Variants in SEM1 observed in about 807,000 individuals in gnomAD.
The protein encoded by SEM1 is SEM1 26S proteasome subunit, also known as 26S proteasome complex subunit SEM1.
A neutral mutation model predicts 12.7 loss-of-function variants in SEM1; 3 were observed. The observed-to-expected ratio is 0.24, with a 90% confidence interval of 0.11 to 0.61. The LOEUF is 0.61. Ranked by LOEUF, SEM1 falls within the 20% of genes least tolerant of loss-of-function variation. The probability of loss-of-function intolerance (pLI) is 0.88; values close to 1 mark genes in which losing one functional copy is unlikely to be tolerated. For synonymous variants in SEM1, 30 were observed against 27.8 expected (o/e 1.08, Z -0.25); for missense variants, 59 against 81.3 (o/e 0.73, Z 1.06).
chr7:96,658,568 A>G (rs567650672), intron 2 of SEM1, among the ~76,000 whole-genome samples: 4 of 152,354 alleles, frequency 2.6e-5, no homozygotes, highest in Admixed American at 6.5e-5. Context: ...GGAGCCATGC[A>G]ATTCCTAGGA....
At chr7:96,499,313 G>C (rs988189426), upstream of SEM1, among the ~76,000 whole-genome samples, 5 of 152,134 alleles carry the variant, frequency 3.3e-5, no homozygotes, top group Non-Finnish European at 7.4e-5. Flanking sequence ...AAGTCCACTT[G>C]AGTGACCATT....
At position 96,571,157 on chromosome 7, in the gene SEM1, C is replaced by T. The variant is rs1357113150; in HGVS notation, c.171-64459G>A. Among the ~76,000 whole-genome samples, 3 of 152,014 alleles carry T rather than the reference C, an allele frequency of 2.0e-5. No individual in the cohort carries two copies. The East Asian group carries it at 5.8e-4, about 29-fold the overall frequency. On this transcript the variant is annotated intron_variant and NMD_transcript_variant, in intron 2 of 3. Transcript: ENST00000466986. ...AATTTTCTCCCATTCTGTAGGCTGC[C>T]TTTTCACTATGATGATAGTTTCTTC...
At chr7:96,554,557 T>C (rs955632381) in intron 2 of SEM1, among the ~76,000 whole-genome samples, 6 of 149,366 alleles carry the variant, frequency 4.0e-5, no homozygotes, top group Non-Finnish European at 8.9e-5. Context: ...CACTTGATCA[T>C]GGTGGATAAG....
chr7:96,615,239 A>ATTTTTTTTTTTTTTTTTTTTT lies in SEM1; in HGVS notation c.170+79558_170+79559insAAAAAAAAAAAAAAAAAAAAA, dbSNP rs1421596853. On this transcript the variant is annotated intron_variant and NMD_transcript_variant, in intron 2 of 3. Transcript: ENST00000466986. ...GGACTGTTGGGTTATTTTTTGAGTCATCTTTTTTTTTTTTTTTTTTTTTTT... is the reference window on the plus strand; with the variant it reads ...GGACTGTTGGGTTATTTTTTGAGTCATTTTTTTTTTTTTTTTTTTTTTCTTTTTTTTTTTTTTTTTTTTTTT... Among the ~76,000 whole-genome samples, 11 of 98,138 alleles carry ATTTTTTTTTTTTTTTTTTTTT rather than the reference A, an allele frequency of 1.1e-4. 4 individuals are homozygous for ATTTTTTTTTTTTTTTTTTTTT. The highest frequency in any genetic ancestry group is 1.3e-4 in the Non-Finnish European group (7 of 51,924). The allele number at this position is 98,138 out of a possible 152,430, so 64.4% of individuals were successfully genotyped here.
exon 3 of SEM1, chr7:96,622,636 A>T: frequency 1.3e-6 from 1 of 764,812 alleles, no homozygotes; most frequent in Non-Finnish European, 2.4e-6. Flanking sequence ...AGTTCACTGT[A>T]TCCAGCCCTG....
At chr7:96,668,424 A>T (rs924489351) in intron 2 of SEM1, among the ~76,000 whole-genome samples, 1 of 152,238 alleles carries the variant, frequency 6.6e-6, no homozygotes, top group Non-Finnish European at 1.5e-5. Context: ...TATAAAATAA[A>T]TAAAAATTAT....
chr7:96,486,484 C>T, intron 1 of SEM1: 1 of 1,246,156 alleles, frequency 8.0e-7, no homozygotes, highest in Non-Finnish European at 1.1e-6. Flanking sequence ...AGGCGGGCAC[C>T]TGTTCCACCT....
chr7:96,601,357 T>C (rs543253848), intron 2 of SEM1, among the ~76,000 whole-genome samples: 1 of 152,122 alleles, frequency 6.6e-6, no homozygotes, highest in Admixed American at 6.5e-5. Flanking sequence ...ATTGGGGTAA[T>C]AGGGGTTTAG....
chr7:96,491,527 A>C (rs117312896), intron 1 of SEM1, among the ~76,000 whole-genome samples: 318 of 152,314 alleles, frequency 2.1e-3, no homozygotes, highest in Non-Finnish European at 3.3e-3. Flanking sequence ...TTAAGATAAA[A>C]ACCAAACACA....
intron 2 of SEM1, among the ~76,000 whole-genome samples, chr7:96,597,285 G>T (rs1807030155): frequency 1.3e-5 from 2 of 152,096 alleles, no homozygotes; most frequent in Non-Finnish European, 2.9e-5. Flanking sequence ...TAAAACAAAG[G>T]TCCCTGGCAT....
At position 96,688,949 on chromosome 7, in the gene SEM1, T is replaced by C. The variant is rs765334665; in HGVS notation, c.188A>G (p.His63Arg). The C allele has an allele frequency of 2.5e-6, 4 of 1,594,744 alleles. No homozygotes were observed. The highest frequency in any genetic ancestry group is 1.7e-5 in the Admixed American group (1 of 59,690). Residue 63 changes from histidine to arginine, a missense_variant, in exon 3 of 3, where the codon CAT (histidine) becomes CGT (arginine). Coordinates refer to ENST00000248566, the MANE Select transcript of SEM1 (RefSeq NM_006304.2). ...SNQLRAELEK[H>R]GYKMETS ...CTATGAAGTCTCCATCTTATAACCATGTTTCTCTAGTTCAGCTCTAAGATA... is the reference window on the plus strand; with the variant it reads ...CTATGAAGTCTCCATCTTATAACCACGTTTCTCTAGTTCAGCTCTAAGATA...
intron 2 of SEM1, among the ~76,000 whole-genome samples, chr7:96,679,631 T>C (rs2272224): frequency 0.4 from 60,095 of 151,930 alleles, 14,344 homozygotes; most frequent in African/African-American, 0.69. Context: ...ATTAGTGATC[T>C]GATTGACCTC....
downstream of SEM1, among the ~76,000 whole-genome samples, chr7:96,620,322 C>T (rs1211513572): frequency 1.3e-5 from 2 of 152,092 alleles, no homozygotes; most frequent in African/African-American, 2.4e-5. Context: ...AGGGGGTGCA[C>T]GGGAGTACCC....
upstream of SEM1, among the ~76,000 whole-genome samples, chr7:96,500,698 T>C (rs1291847595): frequency 6.6e-6 from 1 of 152,186 alleles, no homozygotes; most frequent in Non-Finnish European, 1.5e-5. Flanking sequence ...TGCTTCCTTA[T>C]ACTGCTTTAG....
intron 2 of SEM1, among the ~76,000 whole-genome samples, chr7:96,692,767 A>G (rs540731878): frequency 9.2e-5 from 14 of 152,234 alleles, no homozygotes; most frequent in East Asian, 3.9e-4. Context: ...ATTATTGTTC[A>G]ATAGCTATCA....
chr7:96,588,650 T>C (rs924815856), intron 2 of SEM1, among the ~76,000 whole-genome samples: 2 of 151,446 alleles, frequency 1.3e-5, no homozygotes, highest in Non-Finnish European at 2.9e-5. Context: ...AGGCCAGATG[T>C]GGTAGCTCAG....
exon 4 of SEM1, chr7:96,482,097 T>A (rs1802564695): frequency 6.6e-6 from 1 of 152,218 alleles, no homozygotes; most frequent in Non-Finnish European, 1.5e-5. Flanking sequence ...AACCCAGCAC[T>A]ATTTTTCTCT....
chr7:96,667,231 G>A (rs749899226), intron 2 of SEM1, among the ~76,000 whole-genome samples: 32 of 152,130 alleles, frequency 2.1e-4, no homozygotes, highest in Non-Finnish European at 4.0e-4. Context: ...TCACTATTGT[G>A]GTTCTAAACT....
chr7:96,613,541 G>GATAAATA (rs1807608953), intron 2 of SEM1, among the ~76,000 whole-genome samples: 1 of 151,888 alleles, frequency 6.6e-6, no homozygotes, highest in Non-Finnish European at 1.5e-5. Context: ...ATTTCTTTGT[G>GATAAATA]GTAATACTAT....
Sources: allele counts gnomAD v4.1 joint callset (sites outside exome capture counted in the v4.1 genomes callset), GRCh38; gene constraint gnomAD v4.1.1; transcripts MANE v1.5; gene names NCBI Gene and HGNC (gene_info 2026-07-23, HGNC 2026-07-21).